MB21D2: variants seen among roughly 807,000 people sequenced by gnomAD.
MB21D2 encodes the protein Mab-21 domain containing 2, also known as nucleotidyltransferase MB21D2.
A neutral mutation model predicts 33.3 loss-of-function variants in MB21D2; 9 were observed. That is an observed-to-expected ratio of 0.27 (90% CI 0.16 to 0.47). The LOEUF is 0.47. Ranked by LOEUF, MB21D2 falls within the 20% of genes least tolerant of loss-of-function variation. MB21D2 has a pLI of 0.99. For synonymous variants in MB21D2, 241 were observed against 236.3 expected, an observed-to-expected ratio of 1.02 and a Z score of -0.18; for missense variants, 540 against 624.6, an observed-to-expected ratio of 0.86 and a Z score of 1.44.
intron 1 of MB21D2, among the ~76,000 whole-genome samples, chr3:192,909,338 T>C (rs1714289333): frequency 6.6e-6 from 1 of 152,160 alleles, no homozygotes; most frequent in African/African-American, 2.4e-5. Flanking sequence ...ATGTGATTAT[T>C]AGTGCCTTAA....
At chr3:192,802,625 G>GA (rs1275453787) in intron 1 of MB21D2, among the ~76,000 whole-genome samples, 1 of 152,094 alleles carries the variant, frequency 6.6e-6, no homozygotes, top group African/African-American at 2.4e-5. Context: ...GCCATGTAAA[G>GA]AAATACTACC....
chr3:192,843,351 AT>A (rs1351239762), intron 1 of MB21D2, among the ~76,000 whole-genome samples: 1 of 152,156 alleles, frequency 6.6e-6, no homozygotes, highest in African/African-American at 2.4e-5. Context: ...CAGCTTTCTT[AT>A]GAGGAACAAG....
intron 1 of MB21D2, among the ~76,000 whole-genome samples, chr3:192,818,090 T>TGCC (rs1711966113): frequency 6.6e-6 from 1 of 152,046 alleles, no homozygotes; most frequent in African/African-American, 2.4e-5. Flanking sequence ...TAAAAGCTTT[T>TGCC]GCCTCCTAAC....
intron 1 of MB21D2, among the ~76,000 whole-genome samples, chr3:192,912,150 G>A (rs934422316): frequency 6.6e-6 from 1 of 152,206 alleles, no homozygotes; most frequent in Non-Finnish European, 1.5e-5. Context: ...TTATTGGCCT[G>A]AAAGGAGAAA....
intron 1 of MB21D2, among the ~76,000 whole-genome samples, chr3:192,897,800 T>C (rs1267685408): frequency 6.6e-6 from 1 of 151,998 alleles, no homozygotes; most frequent in Non-Finnish European, 1.5e-5. Context: ...AAGACCAGCC[T>C]GGCTAACATG....
chr3:192,895,432 T>C (rs1713945826), intron 1 of MB21D2, among the ~76,000 whole-genome samples: 1 of 152,182 alleles, frequency 6.6e-6, no homozygotes, highest in Non-Finnish European at 1.5e-5. Context: ...TCAATCTGTT[T>C]CAATCACTTT....
intron 1 of MB21D2, among the ~76,000 whole-genome samples, chr3:192,891,918 T>G (rs192639863): frequency 6.6e-6 from 1 of 152,210 alleles, no homozygotes; most frequent in South Asian, 2.1e-4. Context: ...ATTCCGATGG[T>G]TGATTCGACT....
At chr3:192,905,875 A>C (rs1183224565) in intron 1 of MB21D2, among the ~76,000 whole-genome samples, 2 of 152,118 alleles carry the variant, frequency 1.3e-5, no homozygotes, top group Admixed American at 6.6e-5. Flanking sequence ...AAGTATTGTA[A>C]TATGAAGAAT....
chr3:192,808,980 ACT>A (rs1247508469), intron 1 of MB21D2, among the ~76,000 whole-genome samples: 1 of 152,174 alleles, frequency 6.6e-6, no homozygotes, highest in African/African-American at 2.4e-5. Flanking sequence ...CATGACAAGG[ACT>A]CTCTGAGAAG....
chr3:192,849,081 C>T (rs1343077263), intron 1 of MB21D2, among the ~76,000 whole-genome samples: 2 of 152,122 alleles, frequency 1.3e-5, no homozygotes, highest in Non-Finnish European at 2.9e-5. Flanking sequence ...CTCAATGGGG[C>T]AGCCCCCTGC....
intron 1 of MB21D2, among the ~76,000 whole-genome samples, chr3:192,873,764 G>C (rs1713369880): frequency 6.6e-6 from 1 of 151,940 alleles, no homozygotes; most frequent in African/African-American, 2.4e-5. Flanking sequence ...GTACAGTGGG[G>C]AAGTCTCAGC....
chr3:192,821,506 C>A (rs1176663742), intron 1 of MB21D2, among the ~76,000 whole-genome samples: 1 of 152,210 alleles, frequency 6.6e-6, no homozygotes, highest in Non-Finnish European at 1.5e-5. Flanking sequence ...GATCCAGGCA[C>A]AAGCAGGGAG....
chr3:192,917,852 C>G lies in MB21D2; in HGVS notation c.-12G>C, dbSNP rs201208296. 6.5e-4 allele frequency: 1,047 copies of G among 1,604,210 alleles called. 12 individuals carry two copies. The highest frequency in any genetic ancestry group is 6.2e-3 in the South Asian group (564 of 90,626). On this transcript the variant is annotated 5_prime_UTR_variant, in exon 1 of 2. Transcript: ENST00000392452. Reference sequence around the variant, plus strand: ...GCCGCCATCTTCATGCAAAACGCGCCGAGTAGCAGCTCCGCGGCAGCGCGG... The same window carrying G: ...GCCGCCATCTTCATGCAAAACGCGCGGAGTAGCAGCTCCGCGGCAGCGCGG...
At chr3:192,830,241 AGTGTGTGTGTGT>A (rs34472117) in intron 1 of MB21D2, among the ~76,000 whole-genome samples, 53 of 146,464 alleles carry the variant, frequency 3.6e-4, no homozygotes, top group East Asian at 1.2e-3. Flanking sequence ...AGTGTGTGTG[AGTGTGTGTGTGT>A]GTGTGTGTGT....
At chr3:192,861,170 A>G (rs180736308) in intron 1 of MB21D2, among the ~76,000 whole-genome samples, 45 of 152,338 alleles carry the variant, frequency 3.0e-4, no homozygotes, top group African/African-American at 1.0e-3. Flanking sequence ...CTCCAAAGTC[A>G]CAAACAAGAA....
At chr3:192,915,186 C>T (rs913617158) in intron 1 of MB21D2, among the ~76,000 whole-genome samples, 1 of 152,112 alleles carries the variant, frequency 6.6e-6, no homozygotes, top group Non-Finnish European at 1.5e-5. Flanking sequence ...CTCCACCCCC[C>T]CGCCCTGAAA....
In MB21D2 at chr3:192,815,381, C is replaced by T. The variant is rs552035488; in HGVS notation, c.212-15731G>A. On this transcript the variant is annotated intron_variant, in intron 1 of 1. Coordinates refer to ENST00000392452, the MANE Select transcript of MB21D2 (RefSeq NM_178496.4). ...CCTGCTTCATATGTGGGTCTCAAACCGAGAGGCTTGTTAAAAATGCAGGTT... is the reference window on the plus strand; with the variant it reads ...CCTGCTTCATATGTGGGTCTCAAACTGAGAGGCTTGTTAAAAATGCAGGTT... Among the ~76,000 whole-genome samples, 7 of 152,242 alleles carry T rather than the reference C, an allele frequency of 4.6e-5. No individual in the cohort carries two copies. In the South Asian group the frequency reaches 1.0e-3, roughly 23 times the overall value.
At chr3:192,848,604 T>C (rs906251101) in intron 1 of MB21D2, among the ~76,000 whole-genome samples, 2 of 152,242 alleles carry the variant, frequency 1.3e-5, no homozygotes, top group Non-Finnish European at 2.9e-5. Flanking sequence ...AACAGTATAC[T>C]ACTGGTCATA....
At chr3:192,828,257 G>A (rs1221104440) in intron 1 of MB21D2, among the ~76,000 whole-genome samples, 1 of 151,896 alleles carries the variant, frequency 6.6e-6, no homozygotes, top group Admixed American at 6.6e-5. Flanking sequence ...GAGCCCTCCA[G>A]CCAAATTATA....
Sources: gnomAD v4.1 joint callset for allele counts (sites outside exome capture counted in the v4.1 genomes callset) on GRCh38, gnomAD v4.1.1 for gene constraint, MANE v1.5 for transcripts, NCBI Gene and HGNC (gene_info 2026-07-23, HGNC 2026-07-21) for gene names.